Variants in PPP1R1B observed in about 807,000 individuals in gnomAD.
PPP1R1B encodes protein phosphatase 1 regulatory inhibitor subunit 1B, also known as protein phosphatase 1 regulatory subunit 1B.
Under a neutral mutation model 28.2 loss-of-function variants are expected in PPP1R1B, and 13 were observed. The ratio of observed to expected loss-of-function variants is 0.46; its 90% CI spans 0.30 to 0.73. The LOEUF (loss-of-function observed/expected upper bound fraction) is 0.73, where lower values mean the gene tolerates loss of function less well. Ranked by LOEUF, PPP1R1B falls within the 30% of genes least tolerant of loss-of-function variation. The pLI is 0.07. For missense variants in PPP1R1B, 236 were observed against 256.7 expected (o/e 0.92, Z 0.55); for synonymous variants, 102 against 97.5 (o/e 1.05, Z -0.27).
intron 1 of PPP1R1B, among the ~76,000 whole-genome samples, chr17:39,628,238 G>C (rs2056850680): frequency 6.6e-6 from 1 of 151,754 alleles, no homozygotes; most frequent in Admixed American, 6.6e-5. Context: ...AGTGATGAGG[G>C]GGCCAAGTCA....
intron 2 of PPP1R1B, 50 bp downstream of exon 2, chr17:39,629,280 C>A: frequency 6.4e-7 from 1 of 1,565,518 alleles, no homozygotes; most frequent in Non-Finnish European, 8.8e-7. Context: ...AGCTCTGATG[C>A]CTTCCTAGGG....
At chr17:39,631,078 A>C (rs1358599664) in intron 4 of PPP1R1B, among the ~76,000 whole-genome samples, 1 of 151,850 alleles carries the variant, frequency 6.6e-6, no homozygotes, top group African/African-American at 2.4e-5. Context: ...TCAAGAAAAA[A>C]AAAAAAGTGA....
At chr17:39,635,532 C>T in intron 5 of PPP1R1B, 75 bp from the exon 6 acceptor site, 1 of 1,550,378 alleles carries the variant, frequency 6.5e-7, no homozygotes, top group Non-Finnish European at 8.8e-7. Context: ...AGCCATCAGA[C>T]ACTTAGCTCA....
intron 4 of PPP1R1B, 146 bp from the exon 5 acceptor site, chr17:39,633,736 AC>A: frequency 7.0e-7 from 1 of 1,436,338 alleles, no homozygotes; most frequent in African/African-American, 1.4e-5. Context: ...TGACCTGTCA[AC>A]TTTGGCCTTT....
At chr17:39,635,574 C>G in intron 5 of PPP1R1B, 33 bp from the exon 6 acceptor site, 2 of 1,604,598 alleles carry the variant, frequency 1.2e-6, no homozygotes, top group Non-Finnish European at 1.7e-6. Flanking sequence ...ATACGCAGAG[C>G]CTGTGTTCTT....
At position 39,627,296 on chromosome 17, in the gene PPP1R1B, C is replaced by T. The variant is rs2056844425; in HGVS notation, c.-97C>T. 2.5e-6 allele frequency: 2 copies of T among 803,134 alleles called. No homozygotes were observed. Among genetic ancestry groups the T allele is most frequent in the Admixed American group, 3.5e-5 (1 of 28,466 alleles). The allele number at this position is 803,134 out of a possible 1,614,324, so 49.8% of individuals were successfully genotyped here. Reference sequence around the variant, plus strand: ...GCGCGAACAGCCCTCCTCCTCCTCTCGCCGCACAGCCCGCCGCCTGCGCGG... The same window carrying T: ...GCGCGAACAGCCCTCCTCCTCCTCTTGCCGCACAGCCCGCCGCCTGCGCGG... On this transcript the variant is annotated 5_prime_UTR_variant, in exon 1 of 7. Coordinates refer to ENST00000254079, the MANE Select transcript of PPP1R1B (RefSeq NM_032192.4).
chr17:39,628,777 A>C, intron 1 of PPP1R1B: 1 of 904,614 alleles, frequency 1.1e-6, no homozygotes, highest in Admixed American at 5.6e-5. Flanking sequence ...TGGCAGCTGG[A>C]GCTGTAGCCA....
intron 1 of PPP1R1B, chr17:39,628,481 G>C: frequency 1.0e-6 from 1 of 985,342 alleles, no homozygotes; most frequent in Non-Finnish European, 1.2e-6. Flanking sequence ...CTTGGCTCAC[G>C]TAGCAAGGAG....
intron 4 of PPP1R1B, 115 bp downstream of exon 4, chr17:39,630,162 C>A: frequency 9.9e-7 from 1 of 1,012,218 alleles, no homozygotes. Flanking sequence ...AGCCCGCTGT[C>A]AGCGTGGCGC....
chr17:39,628,552 A>G, intron 1 of PPP1R1B: 27 of 985,696 alleles, frequency 2.7e-5, no homozygotes, highest in Non-Finnish European at 3.3e-5. Context: ...CAGAGACTGG[A>G]AAAGAAGCCC....
At chr17:39,634,756 G>A (rs796626646) in intron 5 of PPP1R1B, among the ~76,000 whole-genome samples, 19 of 152,388 alleles carry the variant, frequency 1.2e-4, no homozygotes, top group African/African-American at 4.3e-4. Context: ...ATATCTGGCA[G>A]TGAAGAGATT....
At chr17:39,627,837 C>G (rs186041872) in intron 1 of PPP1R1B, among the ~76,000 whole-genome samples, 1 of 152,136 alleles carries the variant, frequency 6.6e-6, no homozygotes, top group African/African-American at 2.4e-5. Flanking sequence ...GGGACCGCTC[C>G]GCCTGGCTCT....
chr17:39,630,269 G>T, intron 4 of PPP1R1B: 1 of 541,068 alleles, frequency 1.8e-6, no homozygotes, highest in Non-Finnish European at 3.3e-6. Context: ...TTAACATCGG[G>T]TTGTGGGCTT....
chr17:39,634,434 G>A (rs1567849749), intron 5 of PPP1R1B, among the ~76,000 whole-genome samples: 1 of 152,230 alleles, frequency 6.6e-6, no homozygotes, highest in Non-Finnish European at 1.5e-5. Flanking sequence ...GACCAGGAGA[G>A]TCCAACACCC....
intron 1 of PPP1R1B, 48 bp downstream of exon 1, chr17:39,627,521 G>T (rs771714536): frequency 4.0e-6 from 5 of 1,260,714 alleles, no homozygotes; most frequent in Non-Finnish European, 5.4e-6. Flanking sequence ...CACACCCCGC[G>T]GGGCTTCTTC....
chr17:39,629,592 G>GA (rs2056861401), intron 3 of PPP1R1B, 30 bp downstream of exon 3: 4 of 1,613,060 alleles, frequency 2.5e-6, no homozygotes, highest in Non-Finnish European at 3.4e-6. Context: ...TGGAAGGAGG[G>GA]ATGCCTGGGC....
chr17:39,633,660 C>A, intron 4 of PPP1R1B: 1 of 624,006 alleles, frequency 1.6e-6, no homozygotes, highest in Non-Finnish European at 2.6e-6. Flanking sequence ...CTTAGGACAG[C>A]TTAAGAGCCA....
At chr17:39,635,267 G>A (rs1403399432) in intron 5 of PPP1R1B, among the ~76,000 whole-genome samples, 1 of 152,108 alleles carries the variant, frequency 6.6e-6, no homozygotes, top group African/African-American at 2.4e-5. Context: ...GAAGGGCACC[G>A]GGTCAAATGA....
At chr17:39,631,562 G>A (rs1174086614) in intron 4 of PPP1R1B, among the ~76,000 whole-genome samples, 8 of 152,030 alleles carry the variant, frequency 5.3e-5, no homozygotes, top group African/African-American at 1.5e-4. Context: ...CCGCTCCTGC[G>A]GAGGTTGGGA....
Sources: gnomAD v4.1 joint callset for allele counts (sites outside exome capture counted in the v4.1 genomes callset) on GRCh38, gnomAD v4.1.1 for gene constraint, MANE v1.5 for transcripts, NCBI Gene and HGNC (gene_info 2026-07-23, HGNC 2026-07-21) for gene names.